Variants in RAD51B observed in about 807,000 individuals in gnomAD.
The protein encoded by RAD51B is RAD51 paralog B.
A neutral mutation model predicts 42.2 loss-of-function variants in RAD51B; 38 were observed. The observed-to-expected ratio is 0.90, with a 90% CI of 0.70 to 1.18. RAD51B has a LOEUF of 1.18. Ranked by LOEUF, RAD51B falls within the 50% of genes most tolerant of loss-of-function variation. RAD51B has a pLI of 0.00. For missense variants in RAD51B, 373 were observed against 400.7 expected (o/e 0.93, Z 0.59); for synonymous variants, 154 against 145.2 (o/e 1.06, Z -0.43).
chr14:67,898,417 G>C (rs1461852605), intron 7 of RAD51B, among the ~76,000 whole-genome samples: 1 of 152,194 alleles, frequency 6.6e-6, no homozygotes, highest in Admixed American at 6.5e-5. Context: ...AATGGTGATT[G>C]CCAGGGGCTG....
intron 7 of RAD51B, among the ~76,000 whole-genome samples, chr14:68,013,542 A>G (rs1179711961): frequency 1.3e-5 from 2 of 152,220 alleles, no homozygotes; most frequent in African/African-American, 2.4e-5. Context: ...TTTAATCTAT[A>G]TGCTAGGGAC....
intron 7 of RAD51B, among the ~76,000 whole-genome samples, chr14:68,181,273 C>T (rs966063848): frequency 3.3e-5 from 5 of 152,184 alleles, no homozygotes; most frequent in African/African-American, 1.2e-4. Flanking sequence ...AATACCTTGC[C>T]ATGTTCCTAA....
At chr14:68,077,727 G>A (rs1260309260) in intron 7 of RAD51B, among the ~76,000 whole-genome samples, 1 of 152,202 alleles carries the variant, frequency 6.6e-6, no homozygotes, top group Non-Finnish European at 1.5e-5. Flanking sequence ...AGGCCAAGGT[G>A]GGCGGATCAC....
intron 10 of RAD51B, among the ~76,000 whole-genome samples, chr14:68,573,361 T>C (rs10130694): frequency 0.66 from 100,034 of 151,938 alleles, 33,650 homozygotes; most frequent in Non-Finnish European, 0.73. Context: ...ACCAAGCACA[T>C]CCCTGCCTCG....
chr14:68,287,063 A>AT (rs11373168), intron 7 of RAD51B, among the ~76,000 whole-genome samples: 151,981 of 152,322 alleles, frequency 1, 75,821 homozygotes, highest in East Asian at 1. Context: ...AATGACATTG[A>AT]TTCCCAGCCT....
At chr14:68,643,882 G>A (rs1362408204) in intron 10 of RAD51B, among the ~76,000 whole-genome samples, 1 of 152,136 alleles carries the variant, frequency 6.6e-6, no homozygotes, top group African/African-American at 2.4e-5. Context: ...TGAAAAGGGG[G>A]TGGGGCCTCT....
intron 7 of RAD51B, among the ~76,000 whole-genome samples, chr14:68,214,509 A>G (rs1417929427): frequency 1.3e-5 from 2 of 152,176 alleles, no homozygotes; most frequent in African/African-American, 4.8e-5. Flanking sequence ...CCCACTCCCT[A>G]AGATTCTTTT....
intron 7 of RAD51B, among the ~76,000 whole-genome samples, chr14:68,162,244 G>T (rs550587226): frequency 1.3e-5 from 2 of 152,098 alleles, no homozygotes; most frequent in East Asian, 3.9e-4. Context: ...AATTATCTTG[G>T]TTAGTGAGTA....
chr14:68,607,883 C>T (rs1394103364), intron 10 of RAD51B, among the ~76,000 whole-genome samples: 4 of 152,164 alleles, frequency 2.6e-5, no homozygotes, highest in Non-Finnish European at 4.4e-5. Context: ...ACATCGTGCC[C>T]CTTCTCACAC....
intron 7 of RAD51B, among the ~76,000 whole-genome samples, chr14:67,907,886 T>C (rs191322180): frequency 2.3e-4 from 35 of 152,190 alleles, no homozygotes; most frequent in African/African-American, 7.9e-4. Flanking sequence ...GGCAGTGATG[T>C]TTTAGGCATG....
chr14:68,467,659 C>T (rs1280986025), intron 9 of RAD51B, among the ~76,000 whole-genome samples: 2 of 152,274 alleles, frequency 1.3e-5, no homozygotes, highest in Admixed American at 6.5e-5. Flanking sequence ...AAATGCTCTA[C>T]ACCTTAAGTA....
chr14:68,427,173 C>T (rs2084871743), intron 9 of RAD51B, among the ~76,000 whole-genome samples: 1 of 152,234 alleles, frequency 6.6e-6, no homozygotes, highest in Admixed American at 6.5e-5. Context: ...AAATTTATCA[C>T]AGGGGCAGAG....
intron 10 of RAD51B, among the ~76,000 whole-genome samples, chr14:68,639,681 C>A (rs1022272923): frequency 2.0e-5 from 3 of 152,194 alleles, no homozygotes; most frequent in Admixed American, 1.3e-4. Context: ...ACTGCAGACA[C>A]TTTGAGGAGG....
At chr14:68,431,771 A>C (rs1269558860) in intron 9 of RAD51B, among the ~76,000 whole-genome samples, 1 of 152,052 alleles carries the variant, frequency 6.6e-6, no homozygotes, top group South Asian at 2.1e-4. Flanking sequence ...CTCCGATCTT[A>C]GTTATTTCTT....
chr14:68,425,383 G>C (rs757840225), intron 9 of RAD51B, among the ~76,000 whole-genome samples: 3 of 152,238 alleles, frequency 2.0e-5, no homozygotes, highest in Non-Finnish European at 2.9e-5. Flanking sequence ...GGACCTGTAA[G>C]AGGTGATCAG....
intron 10 of RAD51B, among the ~76,000 whole-genome samples, chr14:68,583,168 A>T (rs77460539): frequency 0.091 from 13,888 of 152,252 alleles, 793 homozygotes; most frequent in South Asian, 0.16. Context: ...AAAAAAATTT[A>T]AAAAAGAAAT....
At chr14:68,458,203 G>A (rs1319171824) in intron 9 of RAD51B, among the ~76,000 whole-genome samples, 1 of 152,128 alleles carries the variant, frequency 6.6e-6, no homozygotes, top group Non-Finnish European at 1.5e-5. Flanking sequence ...GCCTTGGTCT[G>A]TCACCCAGGC....
chr14:68,444,131 A>G (rs1415982642), intron 9 of RAD51B, among the ~76,000 whole-genome samples: 1 of 152,180 alleles, frequency 6.6e-6, no homozygotes, highest in African/African-American at 2.4e-5. Flanking sequence ...CTCATTGCAC[A>G]TGGTTTTATG....
chr14:68,071,470 G>A (rs2076738749), intron 7 of RAD51B, among the ~76,000 whole-genome samples: 4 of 152,048 alleles, frequency 2.6e-5, no homozygotes, highest in African/African-American at 7.2e-5. Flanking sequence ...AGCACAAAAG[G>A]ATGTTGAGTT....
Sources: gnomAD v4.1 joint callset for allele counts (sites outside exome capture counted in the v4.1 genomes callset) on GRCh38, gnomAD v4.1.1 for gene constraint, MANE v1.5 for transcripts, NCBI Gene and HGNC (gene_info 2026-07-23, HGNC 2026-07-21) for gene names.